The following ZRANB3 variants were observed in gnomAD, a reference collection of about 807,000 sequenced individuals.
The protein encoded by ZRANB3 is zinc finger RANBP2-type containing 3.
A neutral mutation model predicts 133.8 loss-of-function variants in ZRANB3; 125 were observed. That is an observed-to-expected ratio of 0.93 (90% CI 0.81 to 1.08). ZRANB3 has a LOEUF of 1.08. Ranked by LOEUF, ZRANB3 falls within the 50% of genes least tolerant of loss-of-function variation. The pLI is 0.00. For missense variants in ZRANB3, 1,229 were observed against 1,275.5 expected (o/e 0.96, Z 0.56); for synonymous variants, 387 against 432.7 (o/e 0.89, Z 1.31).
In ZRANB3 at chr2:135,454,920, A is replaced by T. The variant is rs149437937; in HGVS notation, c.161+49409T>A. Among the ~76,000 whole-genome samples the T allele has an allele frequency of 5.1e-4, 78 of 152,234 alleles. 1 individual carries two copies. In the East Asian group the frequency reaches 0.013, roughly 25 times the overall value. ...TGGGTCTCTCTCAATGCGCTACTAC[A>T]ATTTAGAATGGAGAATATTAGGAGA... is the stretch of plus-strand genomic sequence containing the variant. On this transcript the variant is annotated intron_variant, in intron 2 of 20. Coordinates refer to ENST00000264159, the MANE Select transcript of ZRANB3 (RefSeq NM_032143.4).
intron 8 of ZRANB3, among the ~76,000 whole-genome samples, chr2:135,285,091 C>A (rs552724177): frequency 2.0e-5 from 3 of 152,004 alleles, no homozygotes; most frequent in Non-Finnish European, 4.4e-5. Context: ...GTGATCCACC[C>A]GCCTTGGCCT....
intron 6 of ZRANB3, chr2:135,345,102 A>C (rs1684855746): frequency 6.6e-6 from 1 of 152,284 alleles, no homozygotes; most frequent in Admixed American, 6.5e-5. Flanking sequence ...GAAAGTAAAA[A>C]ATAAAAACAA....
chr2:135,435,701 G>A (rs1689503146), intron 2 of ZRANB3, among the ~76,000 whole-genome samples: 1 of 152,170 alleles, frequency 6.6e-6, no homozygotes, highest in Middle Eastern at 3.4e-3. Context: ...GGTGTGAGAT[G>A]GTATCTCACT....
At chr2:135,275,793 A>G (rs771278768) in intron 8 of ZRANB3, 38 bp from the exon 9 acceptor site, 7 of 1,427,028 alleles carry the variant, frequency 4.9e-6, no homozygotes, top group South Asian at 1.5e-5. Flanking sequence ...GTGTCATAAA[A>G]ATGATTATTT....
At chr2:135,411,767 G>C (rs1224025039) in intron 2 of ZRANB3, among the ~76,000 whole-genome samples, 1 of 152,134 alleles carries the variant, frequency 6.6e-6, no homozygotes, top group Non-Finnish European at 1.5e-5. Context: ...GACTCCAAAA[G>C]GGGGTAGAGG....
intron 6 of ZRANB3, among the ~76,000 whole-genome samples, chr2:135,340,072 TAAG>T (rs1684564193): frequency 6.6e-6 from 1 of 151,624 alleles, no homozygotes; most frequent in South Asian, 2.1e-4. Flanking sequence ...TATTGTTGTG[TAAG>T]AAGAAGGGAA....
At chr2:135,207,198 TA>T (rs1427897228) in intron 19 of ZRANB3, among the ~76,000 whole-genome samples, 72 of 150,542 alleles carry the variant, frequency 4.8e-4, no homozygotes, top group Middle Eastern at 3.5e-3. Flanking sequence ...AAATAATAAA[TA>T]AATAAATAAA....
intron 2 of ZRANB3, among the ~76,000 whole-genome samples, chr2:135,426,037 A>G (rs1241402835): frequency 6.6e-6 from 1 of 152,118 alleles, no homozygotes; most frequent in Non-Finnish European, 1.5e-5. Flanking sequence ...CATACACAAA[A>G]AACCCTCAGA....
intron 3 of ZRANB3, among the ~76,000 whole-genome samples, chr2:135,356,321 G>A (rs183263341): frequency 2.7e-4 from 41 of 152,042 alleles, no homozygotes; most frequent in Non-Finnish European, 4.6e-4. Flanking sequence ...GTGAAGTAAC[G>A]CATATGTTAA....
chr2:135,498,032 G>A (rs887126202), intron 2 of ZRANB3, among the ~76,000 whole-genome samples: 6 of 151,650 alleles, frequency 4.0e-5, no homozygotes, highest in African/African-American at 9.7e-5. Context: ...CAGCCTGGGC[G>A]ACAGCGAGAC....
chr2:135,272,413 GC>G (rs1221410207), intron 9 of ZRANB3, among the ~76,000 whole-genome samples: 4 of 109,912 alleles, frequency 3.6e-5, no homozygotes, highest in African/African-American at 5.7e-5. Flanking sequence ...GGAAAATAGA[GC>G]TTTTTTTTTT....
At chr2:135,519,493 A>G (rs1485472523) in intron 1 of ZRANB3, among the ~76,000 whole-genome samples, 1 of 152,178 alleles carries the variant, frequency 6.6e-6, no homozygotes, top group East Asian at 1.9e-4. Context: ...TAAAACTCCA[A>G]GATCATGTAG....
At chr2:135,382,145 T>TAA (rs1204165220) in intron 3 of ZRANB3, among the ~76,000 whole-genome samples, 2 of 152,038 alleles carry the variant, frequency 1.3e-5, no homozygotes, top group East Asian at 3.9e-4. Flanking sequence ...GAGAAGTCCT[T>TAA]AAAGGACCTG....
chr2:135,523,255 G>T (rs1694019270), intron 1 of ZRANB3, among the ~76,000 whole-genome samples: 1 of 152,036 alleles, frequency 6.6e-6, no homozygotes, highest in African/African-American at 2.4e-5. Context: ...TGTATCTCAA[G>T]TCTATCCTTT....
intron 7 of ZRANB3, among the ~76,000 whole-genome samples, chr2:135,315,142 C>T (rs893010310): frequency 6.6e-6 from 1 of 151,924 alleles, no homozygotes; most frequent in Admixed American, 6.6e-5. Context: ...TTTTTTTAAA[C>T]CACTAGGTTA....
At chr2:135,405,354 C>A (rs1166110523) in intron 2 of ZRANB3, among the ~76,000 whole-genome samples, 1 of 152,142 alleles carries the variant, frequency 6.6e-6, no homozygotes. Context: ...GACTTAGACT[C>A]ACACACAATA....
At chr2:135,231,022 T>G (rs886793805) in intron 12 of ZRANB3, 95 bp from the exon 13 acceptor site, 1 of 1,208,462 alleles carries the variant, frequency 8.3e-7, no homozygotes, top group South Asian at 1.8e-5. Flanking sequence ...ATTAACCATA[T>G]TGCCTTATCC....
At chr2:135,222,972 C>T (rs956513000) in intron 15 of ZRANB3, among the ~76,000 whole-genome samples, 3 of 151,656 alleles carry the variant, frequency 2.0e-5, no homozygotes, top group Admixed American at 1.3e-4. Context: ...AAACAAAAAA[C>T]GGCCAGGTGG....
rs1346192245 is a variant in ZRANB3, at chr2:135,299,927, A to T, written c.966+13562T>A. On this transcript the variant is annotated intron_variant, in intron 8 of 20. Coordinates refer to ENST00000264159, the MANE Select transcript of ZRANB3 (RefSeq NM_032143.4). ...GTGTGTAAGTTATGAAGCAAAGAAA[A>T]GATTACAGCAGAGAAAGAAATCTTT... Among the ~76,000 whole-genome samples, 3 of 152,218 alleles carry T rather than the reference A, an allele frequency of 2.0e-5. No individual in the cohort carries two copies. In the East Asian group the frequency reaches 5.8e-4, roughly 29 times the overall value.
Sources: allele counts gnomAD v4.1 joint callset (sites outside exome capture counted in the v4.1 genomes callset), GRCh38; gene constraint gnomAD v4.1.1; transcripts MANE v1.5; gene names NCBI Gene and HGNC (gene_info 2026-07-23, HGNC 2026-07-21).